GRHL3: variants seen among roughly 807,000 people sequenced by gnomAD.
GRHL3 encodes the protein grainyhead-like protein 3 homolog.
A neutral mutation model predicts 70.3 loss-of-function variants in GRHL3; 20 were observed. That is an observed-to-expected ratio of 0.28 (90% confidence interval 0.20 to 0.41). The LOEUF is 0.41. GRHL3 is among the 10% of genes least tolerant of loss of function. GRHL3 has a pLI of 1.00. For synonymous variants in GRHL3, 299 were observed against 299.9 expected (o/e 1.00, Z 0.03); for missense variants, 637 against 762.3 (o/e 0.84, Z 1.94).
intron 1 of GRHL3, chr1:24,323,029 AAAG>A (rs1353116249): frequency 1.3e-6 from 2 of 1,532,260 alleles, no homozygotes; most frequent in African/African-American, 1.4e-5. Flanking sequence ...TAGCCTCTGA[AAAG>A]AAGACAGAGG....
intron 15 of GRHL3, among the ~76,000 whole-genome samples, chr1:24,353,067 T>C (rs1462546224): frequency 6.6e-6 from 1 of 152,244 alleles, no homozygotes; most frequent in African/African-American, 2.4e-5. Flanking sequence ...TTAACTTGTA[T>C]TTATAGGGCT....
Position 24,337,197 on chromosome 1 carries a change from G to A in GRHL3, c.686+46G>A, listed in dbSNP as rs368519254. ...CCTCAGACACCTGGGCAGTGGGCAG[G>A]AGGCTGCAGACAGAGCCCCACACTG... is the stretch of plus-strand genomic sequence containing the variant. On this transcript the variant is annotated intron_variant, in intron 5 of 15. Coordinates refer to ENST00000361548, the MANE Select transcript of GRHL3 (RefSeq NM_198173.3). 8 of 1,406,574 alleles carry A rather than the reference G, an allele frequency of 5.7e-6. No homozygotes were observed. The African/African-American group carries it at 9.9e-5, about 17-fold the overall frequency. 87.1% of individuals were successfully genotyped at this position (1,406,574 alleles called of 1,614,324 possible).
intron 1 of GRHL3, among the ~76,000 whole-genome samples, chr1:24,327,073 ATGATGATGG>A (rs1227640724): frequency 6.6e-6 from 1 of 152,158 alleles, no homozygotes; most frequent in Non-Finnish European, 1.5e-5. Flanking sequence ...AGGTTCTGGG[ATGATGATGG>A]TGATGATGGT....
chr1:24,358,799 G>A (rs1640898078), downstream of GRHL3, among the ~76,000 whole-genome samples: 1 of 152,182 alleles, frequency 6.6e-6, no homozygotes, highest in Non-Finnish European at 1.5e-5. Flanking sequence ...AACTGGCCCA[G>A]GGGAAGTCAA....
At chr1:24,338,498 C>G (rs1639914432) in intron 7 of GRHL3, among the ~76,000 whole-genome samples, 2 of 152,232 alleles carry the variant, frequency 1.3e-5, no homozygotes, top group African/African-American at 4.8e-5. Flanking sequence ...TGGGGGCCAC[C>G]TGGTCCCCAT....
intron 12 of GRHL3, 48 bp downstream of exon 12, chr1:24,344,979 C>G (rs1333892795): frequency 1.8e-6 from 1 of 545,324 alleles, no homozygotes; most frequent in Non-Finnish European, 2.4e-6. Context: ...TGTGCACCCT[C>G]CACACCTGTG....
chr1:24,329,074 A>G (rs1355594489), intron 1 of GRHL3, among the ~76,000 whole-genome samples: 1 of 152,154 alleles, frequency 6.6e-6, no homozygotes, highest in Non-Finnish European at 1.5e-5. Context: ...CCTCTCCTTG[A>G]GGCCCCTTGA....
intron 7 of GRHL3, 96 bp from the exon 8 acceptor site, chr1:24,339,572 C>T: frequency 1.3e-6 from 1 of 782,828 alleles, no homozygotes; most frequent in Non-Finnish European, 2.1e-6. Flanking sequence ...AGAAACCACG[C>T]CCGGCCGAGT....
chr1:24,326,531 T>G (rs1411216967), intron 1 of GRHL3, among the ~76,000 whole-genome samples: 4 of 152,132 alleles, frequency 2.6e-5, no homozygotes, highest in African/African-American at 9.7e-5. Context: ...TAATGTTAAC[T>G]GTTTGTTTTT....
At chr1:24,335,506 C>G (rs1639765163) in intron 3 of GRHL3, among the ~76,000 whole-genome samples, 1 of 152,170 alleles carries the variant, frequency 6.6e-6, no homozygotes, top group Admixed American at 6.5e-5. Context: ...CAGCCTGGGC[C>G]TGCAGCTGGC....
intron 8 of GRHL3, among the ~76,000 whole-genome samples, chr1:24,341,057 C>A (rs911124552): frequency 6.6e-6 from 1 of 152,120 alleles, no homozygotes; most frequent in Admixed American, 6.5e-5. Context: ...CACACCCCCC[C>A]ACATCCTGTT....
At chr1:24,329,676 G>A (rs1211249716) in intron 1 of GRHL3, among the ~76,000 whole-genome samples, 2 of 152,172 alleles carry the variant, frequency 1.3e-5, no homozygotes, top group Non-Finnish European at 2.9e-5. Context: ...AACGAACAGA[G>A]AACATTCATA....
intron 14 of GRHL3, among the ~76,000 whole-genome samples, chr1:24,349,631 G>T (rs1204676745): frequency 6.6e-6 from 1 of 152,180 alleles, no homozygotes; most frequent in Non-Finnish European, 1.5e-5. Flanking sequence ...CTGGTACATG[G>T]GTGCACCCTC....
intron 1 of GRHL3, among the ~76,000 whole-genome samples, chr1:24,328,723 A>G (rs1214978825): frequency 6.6e-6 from 1 of 152,242 alleles, no homozygotes; most frequent in Admixed American, 6.5e-5. Flanking sequence ...CCCCAAGCTG[A>G]CCTGGAACAC....
At chr1:24,343,176 A>G (rs1229605722) in intron 11 of GRHL3, 151 bp downstream of exon 11, 7 of 751,808 alleles carry the variant, frequency 9.3e-6, no homozygotes, top group African/African-American at 5.2e-5. Flanking sequence ...ACATGTATAT[A>G]TGGTCCTATA....
At position 24,322,848 on chromosome 1, in the gene GRHL3, G is replaced by A. The variant is rs1168778258; in HGVS notation, c.17+3280G>A. Among the ~76,000 whole-genome samples, 2 of 152,222 alleles carry A rather than the reference G, an allele frequency of 1.3e-5. No individual in the cohort carries two copies. The highest frequency in any genetic ancestry group is 4.8e-5 in the African/African-American group (2 of 41,448). ...TGTGTCGAGTGCTTGATAAATACACGCTCTTCTTTAAACCCTCCCAACAAA... is the reference window on the plus strand; with the variant it reads ...TGTGTCGAGTGCTTGATAAATACACACTCTTCTTTAAACCCTCCCAACAAA... On this transcript the variant is annotated intron_variant, in intron 1 of 15. Transcript: ENST00000361548. This position sits in a 1 kb window ranked among gnomAD's most constrained non-coding sequence, Gnocchi z 4.4.
chr1:24,363,171 C>G lies in GRHL3; in HGVS notation c.1695-1014C>G, dbSNP rs115584799. Among the ~76,000 whole-genome samples the G allele has an allele frequency of 5.4e-3, 823 of 152,318 alleles. 7 individuals are homozygous for G. The highest frequency in any genetic ancestry group is 0.017 in the African/African-American group (694 of 41,568). On this transcript the variant is annotated intron_variant, in intron 15 of 15. Coordinates refer to the GRHL3 transcript ENST00000350501. Reference sequence around the variant, plus strand: ...AACCATGAGGTGTCTGCTTTCTTAGCCAAGGACAGCCTGCAGAAGGCTGGA... The same window carrying G: ...AACCATGAGGTGTCTGCTTTCTTAGGCAAGGACAGCCTGCAGAAGGCTGGA...
chr1:24,325,285 C>T (rs1165564018), intron 1 of GRHL3, among the ~76,000 whole-genome samples: 1 of 152,132 alleles, frequency 6.6e-6, no homozygotes, highest in Non-Finnish European at 1.5e-5. Context: ...AGACCACCTC[C>T]TTTGGTGTTG....
intron 1 of GRHL3, among the ~76,000 whole-genome samples, chr1:24,331,102 G>A (rs1039273178): frequency 9.9e-5 from 15 of 152,278 alleles, no homozygotes; most frequent in Admixed American, 3.3e-4. Flanking sequence ...TTCATTACAC[G>A]AATTCTCTTT....
Sources: gnomAD v4.1 joint callset for allele counts (sites outside exome capture counted in the v4.1 genomes callset) on GRCh38, gnomAD v4.1.1 for gene constraint, Gnocchi (gnomAD v3.1) non-coding constraint, MANE v1.5 for transcripts, NCBI Gene and HGNC (gene_info 2026-07-23, HGNC 2026-07-21) for gene names.